Variants in PRMT6 observed in about 807,000 individuals in gnomAD.
PRMT6 encodes the protein protein arginine N-methyltransferase 6.
PRMT6 carries 23 observed loss-of-function variants against 30.5 expected under a neutral mutation model. The ratio of observed to expected loss-of-function variants is 0.75; its 90% CI spans 0.54 to 1.07. The LOEUF is 1.07. PRMT6 is among the 50% of genes least tolerant of loss of function. The pLI, the probability that PRMT6 is intolerant of heterozygous loss-of-function variation, is 0.00. For synonymous variants in PRMT6, 265 were observed against 228.0 expected (o/e 1.16, Z -1.46); for missense variants, 528 against 514.3 (o/e 1.03, Z -0.26).
chr1:107,057,091 T>G lies in PRMT6; in HGVS notation c.376T>G (p.Phe126Val). 6.2e-7 allele frequency: 1 copy of G among 1,608,190 alleles called. No homozygotes were observed. The highest frequency in any genetic ancestry group is 8.5e-7 in the Non-Finnish European group (1 of 1,179,452). Residue 126 changes from phenylalanine (F) to valine (V), a missense_variant, in exon 1 of 1, where the codon TTC becomes GTC. Phe to Val is a conservative substitution (Grantham distance 50, BLOSUM62 -1). Transcript: ENST00000370078. ...IWQQAREVVR[F>V]NGLEDRVHVL... is the part of the protein sequence containing the mutation. Reference sequence around the variant, plus strand: ...GCAACAGGCCCGGGAGGTGGTGCGGTTCAACGGGCTGGAGGACCGGGTGCA... The same window carrying G: ...GCAACAGGCCCGGGAGGTGGTGCGGGTCAACGGGCTGGAGGACCGGGTGCA...
Position 107,057,611 on chromosome 1 carries a change from GGGAGTC to G in PRMT6, c.901_906del (p.Ser301_Glu302del). ...TGGTTCCAGGTGACCTTCCCTGGAG[GGGAGTC>G]GGAGAAACCCCTGGTGCTGTCCACC... On this transcript the variant is annotated inframe_deletion, in exon 1 of 1. Transcript: ENST00000370078. 1 of 1,614,200 alleles carries G rather than the reference GGGAGTC, an allele frequency of 6.2e-7. No homozygotes were observed. The highest frequency in any genetic ancestry group is 1.3e-5 in the African/African-American group (1 of 75,076).
In PRMT6 at chr1:107,057,336, C is replaced by T. The variant is rs75744254; in HGVS notation, c.621C>T (p.Phe207=). ...AGATGCTGGAATGGCGCCTGGGCTT[C>T]TGGAGCCAGGTGAAGCAGCACTATG... ...SDQMLEWRLG[F]WSQVKQHYGV... Residue 207 remains phenylalanine (F), a synonymous_variant, in exon 1 of 1, where the codon TTC becomes TTT. Coordinates refer to ENST00000370078, the MANE Select transcript of PRMT6 (RefSeq NM_018137.3). 2.1e-4 allele frequency: 337 copies of T among 1,613,890 alleles called. 4 individuals are homozygous for T. In the East Asian group the frequency reaches 7.5e-3, roughly 36 times the overall value.
Position 107,056,820 on chromosome 1 carries a change from A to G in PRMT6, c.105A>G (p.Arg35=). The G allele has an allele frequency of 1.2e-6, 2 of 1,600,106 alleles. No homozygotes were observed. The highest frequency in any genetic ancestry group is 1.7e-6 in the Non-Finnish European group (2 of 1,173,290). Residue 35 remains arginine, a synonymous_variant, in exon 1 of 1, where the codon CGA becomes CGG. Transcript: ENST00000370078. ...DGAEREAALE[R]PRRTKRERDQ... is the part of the protein sequence containing the mutation. ...CGGAGCGGGAGGCGGCCCTGGAGCG[A>G]CCCCGGAGGACTAAGCGGGAACGGG...
At position 107,057,369 on chromosome 1, in the gene PRMT6, C is replaced by A; in HGVS notation, c.654C>A (p.Asp218Glu). The A allele has an allele frequency of 6.2e-7, 1 of 1,613,772 alleles. No individual in the cohort carries two copies. The highest frequency in any genetic ancestry group is 8.5e-7 in the Non-Finnish European group (1 of 1,180,046). The change falls in exon 1 of 1, where the codon GAC (aspartate) becomes GAA (glutamate). Residue 218 changes from aspartate to glutamate, a missense_variant. By Grantham distance (45) the Asp-to-Glu change is conservative. Coordinates refer to ENST00000370078, the MANE Select transcript of PRMT6 (RefSeq NM_018137.3). ...AGGTGAAGCAGCACTATGGTGTGGACATGAGCTGCCTGGAGGGCTTCGCCA... is the reference window on the plus strand; with the variant it reads ...AGGTGAAGCAGCACTATGGTGTGGAAATGAGCTGCCTGGAGGGCTTCGCCA... The part of the protein sequence containing the change: ...WSQVKQHYGV[D>E]MSCLEGFATR...
In PRMT6 at chr1:107,057,228, C is replaced by A. The variant is rs771735069; in HGVS notation, c.513C>A (p.Leu171=). ...ACGAGTCCATGCTGAGCTCCGTCCT[C>A]CACGCGCGAACCAAGTGGCTGAAGG... The part of the protein sequence containing the change: ...LLHESMLSSV[L]HARTKWLKEG... The change falls in exon 1 of 1, where the codon CTC becomes CTA. Residue 171 remains leucine (L), a synonymous_variant. Coordinates refer to ENST00000370078, the MANE Select transcript of PRMT6 (RefSeq NM_018137.3). 42 of 1,613,816 alleles carry A rather than the reference C, an allele frequency of 2.6e-5. No homozygotes were observed. The highest frequency in any genetic ancestry group is 3.4e-5 in the Non-Finnish European group (40 of 1,180,046).
Position 107,057,685 on chromosome 1 carries a change from T to TA in PRMT6, c.971dup (p.Tyr324Ter), listed in dbSNP as rs745870041. 1 of 1,614,220 alleles carries TA rather than the reference T, an allele frequency of 6.2e-7. No homozygotes were observed. Among genetic ancestry groups the TA allele is most frequent in the Non-Finnish European group, 8.5e-7 (1 of 1,180,042 alleles). Residue 324 changes from tyrosine to a stop codon, truncating the protein, a stop_gained and frameshift_variant, in exon 1 of 1, where the codon TAC (tyrosine) becomes TAAC (stop). Coordinates refer to ENST00000370078, the MANE Select transcript of PRMT6 (RefSeq NM_018137.3). LOFTEE classifies it high-confidence loss of function. ...PATHWKQALLYLNEPVQVEQD... is the reference protein window; with the variant it reads ...PATHWKQALL ...CACTCACTGGAAACAGGCGCTCCTC[T>TA]ACCTGAACGAGCCGGTGCAAGTGGA...
In PRMT6 at chr1:107,056,806, G is replaced by A. The variant is rs772241305; in HGVS notation, c.91G>A (p.Ala31Thr). The A allele has an allele frequency of 5.0e-6, 8 of 1,585,102 alleles. No individual in the cohort carries two copies. The highest frequency in any genetic ancestry group is 6.9e-6 in the Non-Finnish European group (8 of 1,165,614). ...AGAGGAAGATGGCGCGGAGCGGGAGGCGGCCCTGGAGCGACCCCGGAGGAC... is the reference window on the plus strand; with the variant it reads ...AGAGGAAGATGGCGCGGAGCGGGAGACGGCCCTGGAGCGACCCCGGAGGAC... Reference protein sequence around the residue: ...TEEEDGAEREAALERPRRTKR... With the variant: ...TEEEDGAERETALERPRRTKR... The change falls in exon 1 of 1, where the codon GCG becomes ACG. Residue 31 changes from alanine (A) to threonine (T), a missense_variant. Transcript: ENST00000370078.
At position 107,056,740 on chromosome 1, in the gene PRMT6, C is replaced by T. The variant is rs539124873; in HGVS notation, c.25C>T (p.Leu9Phe). Residue 9 changes from leucine (L) to phenylalanine (F), a missense_variant, in exon 1 of 1, where the codon CTT (leucine) becomes TTT (phenylalanine). Transcript: ENST00000370078. ...GATGTCGCAGCCCAAGAAAAGAAAG[C>T]TTGAGTCGGGGGGCGGCGGCGAAGG... MSQPKKRKLESGGGGEGGE... is the reference protein window; with the variant it reads MSQPKKRKFESGGGGEGGE... 1.3e-6 allele frequency: 2 copies of T among 1,533,580 alleles called. No individual in the cohort carries two copies. The highest frequency in any genetic ancestry group is 1.8e-6 in the Non-Finnish European group (2 of 1,138,092). The allele number at this position is 1,533,580 out of a possible 1,614,324, so 95.0% of individuals were successfully genotyped here. A position where few individuals can be genotyped will look rare whatever the true frequency, so the allele number is the denominator to read the frequency against.
rs764826898 is a variant in PRMT6 at position 107,056,844 on chromosome 1, G to T, written c.129G>T (p.Arg43=). 13 of 1,611,622 alleles carry T rather than the reference G, an allele frequency of 8.1e-6. No homozygotes were observed. The highest frequency in any genetic ancestry group is 1.3e-5 in the African/African-American group (1 of 74,880). ...GACCCCGGAGGACTAAGCGGGAACG[G>T]GACCAGCTGTACTACGAGTGCTACT... The part of the protein sequence containing the change: ...LERPRRTKRE[R]DQLYYECYSD... The change falls in exon 1 of 1, where the codon CGG becomes CGT. Residue 43 remains arginine (R), a synonymous_variant. Transcript: ENST00000370078.
At position 107,058,682 on chromosome 1, in the gene PRMT6, G is replaced by A. The variant is rs965596423; in HGVS notation, c.*839G>A. On this transcript the variant is annotated 3_prime_UTR_variant, in exon 1 of 1. Coordinates refer to ENST00000370078, the MANE Select transcript of PRMT6 (RefSeq NM_018137.3). ...GTAATTCTTATGAAACAGGCTGGTAGAGGAGGTTTCTGAGCCTAGCCCAAG... is the reference window on the plus strand; with the variant it reads ...GTAATTCTTATGAAACAGGCTGGTAAAGGAGGTTTCTGAGCCTAGCCCAAG... 1 of 167,106 alleles carries A rather than the reference G, an allele frequency of 6.0e-6. No homozygotes were observed. Among genetic ancestry groups the A allele is most frequent in the Non-Finnish European group, 1.5e-5 (1 of 68,116 alleles). 10.4% of individuals were successfully genotyped at this position (167,106 alleles called of 1,614,324 possible). A position where few individuals can be genotyped will look rare whatever the true frequency, so the allele number is the denominator to read the frequency against.
At position 107,057,143 on chromosome 1, in the gene PRMT6, T is replaced by C. The variant is rs749772963; in HGVS notation, c.428T>C (p.Val143Ala). The change falls in exon 1 of 1, where the codon GTA becomes GCA. Residue 143 changes from valine to alanine, a missense_variant. Physicochemically the swap from Val to Ala is moderately conservative, Grantham distance 64. Transcript: ENST00000370078. ...GTCCTGCCGGGACCAGTGGAGACTGTAGAGTTGCCGGAACAGGTGGATGCC... is the reference window on the plus strand; with the variant it reads ...GTCCTGCCGGGACCAGTGGAGACTGCAGAGTTGCCGGAACAGGTGGATGCC... ...VHVLPGPVET[V>A]ELPEQVDAIV... The C allele has an allele frequency of 6.2e-7, 1 of 1,607,634 alleles. No individual in the cohort carries two copies. The highest frequency in any genetic ancestry group is 1.7e-5 in the Admixed American group (1 of 60,028).
chr1:107,057,254 A>G lies in PRMT6; in HGVS notation c.539A>G (p.Glu180Gly), dbSNP rs1208984574. 1 of 1,613,906 alleles carries G rather than the reference A, an allele frequency of 6.2e-7. No individual in the cohort carries two copies. The highest frequency in any genetic ancestry group is 1.3e-5 in the African/African-American group (1 of 74,942). Residue 180 changes from glutamate to glycine, a missense_variant, in exon 1 of 1, where the codon GAG becomes GGG. Transcript: ENST00000370078. ...VLHARTKWLK[E>G]GGLLLPASAE... ...CACGCGCGAACCAAGTGGCTGAAGGAGGGCGGTCTTCTCCTGCCGGCCTCC... is the reference window on the plus strand; with the variant it reads ...CACGCGCGAACCAAGTGGCTGAAGGGGGGCGGTCTTCTCCTGCCGGCCTCC...
chr1:107,056,805 G>A lies in PRMT6; in HGVS notation c.90G>A (p.Glu30=), dbSNP rs969139768. The change falls in exon 1 of 1, where the codon GAG becomes GAA. Residue 30 remains glutamate, a synonymous_variant. Transcript: ENST00000370078. ...GTEEEDGAER[E]AALERPRRTK... ...AAGAGGAAGATGGCGCGGAGCGGGA[G>A]GCGGCCCTGGAGCGACCCCGGAGGA... 1.1e-5 allele frequency: 17 copies of A among 1,584,872 alleles called. No individual in the cohort carries two copies. The highest frequency in any genetic ancestry group is 1.3e-5 in the African/African-American group (1 of 74,250).
Position 107,057,273 on chromosome 1 carries a change from G to A in PRMT6, c.558G>A (p.Pro186=). The A allele has an allele frequency of 6.2e-7, 1 of 1,614,058 alleles. No individual in the cohort carries two copies. The highest frequency in any genetic ancestry group is 1.1e-5 in the South Asian group (1 of 91,084). The part of the protein sequence containing the change: ...KWLKEGGLLL[P]ASAELFIAPI... ...TGAAGGAGGGCGGTCTTCTCCTGCC[G>A]GCCTCCGCCGAGCTCTTCATAGCCC... The change falls in exon 1 of 1, where the codon CCG becomes CCA. Residue 186 remains proline, a synonymous_variant. Coordinates refer to ENST00000370078, the MANE Select transcript of PRMT6 (RefSeq NM_018137.3).
In PRMT6 at chr1:107,058,905, A is replaced by C. The variant is rs1158096505; in HGVS notation, c.*1062A>C. The C allele has an allele frequency of 6.0e-6, 1 of 167,052 alleles. No homozygotes were observed. Among genetic ancestry groups the C allele is most frequent in the South Asian group, 2.1e-4 (1 of 4,830 alleles). 10.3% of individuals were successfully genotyped at this position (167,052 alleles called of 1,614,324 possible). A position where few individuals can be genotyped will look rare whatever the true frequency, so the allele number is the denominator to read the frequency against. On this transcript the variant is annotated 3_prime_UTR_variant, in exon 1 of 1. Transcript: ENST00000370078. ...TTTGTTTTTCTCTTTCACTCAGCCAAATGTGAAAGTTGTGAATTTAGGAAA... is the reference window on the plus strand; with the variant it reads ...TTTGTTTTTCTCTTTCACTCAGCCACATGTGAAAGTTGTGAATTTAGGAAA...
chr1:107,057,957 C>G lies in PRMT6; in HGVS notation c.*114C>G, dbSNP rs11555268. The G allele has an allele frequency of 5.1e-6, 7 of 1,378,746 alleles. No homozygotes were observed. Among genetic ancestry groups the G allele is most frequent in the Non-Finnish European group, 7.1e-6 (7 of 992,360 alleles). 85.4% of individuals were successfully genotyped at this position (1,378,746 alleles called of 1,614,324 possible). On this transcript the variant is annotated 3_prime_UTR_variant, in exon 1 of 1. Coordinates refer to ENST00000370078, the MANE Select transcript of PRMT6 (RefSeq NM_018137.3). ...CGTGCAAGTAGGGGGAATATCTCCC[C>G]CTTTTCCCTCATAGCCTCTAGGGAG...
In PRMT6 at chr1:107,058,008, AAG is replaced by A; in HGVS notation, c.*169_*170del. 1.1e-6 allele frequency: 1 copy of A among 921,038 alleles called. No homozygotes were observed. The highest frequency in any genetic ancestry group is 1.7e-5 in the South Asian group (1 of 60,092). 57.1% of individuals were successfully genotyped at this position (921,038 alleles called of 1,614,324 possible). On this transcript the variant is annotated 3_prime_UTR_variant, in exon 1 of 1. Coordinates refer to ENST00000370078, the MANE Select transcript of PRMT6 (RefSeq NM_018137.3). ...GGAGAGTGACTTCATTCTCCATTTGAAGAGATTCTTCTGGTGATGTTTACTTA... is the reference window on the plus strand; with the variant it reads ...GGAGAGTGACTTCATTCTCCATTTGAAGATTCTTCTGGTGATGTTTACTTA...
In PRMT6 at chr1:107,057,108, C is replaced by G; in HGVS notation, c.393C>G (p.Asp131Glu). 1 of 1,607,424 alleles carries G rather than the reference C, an allele frequency of 6.2e-7. No individual in the cohort carries two copies. Among genetic ancestry groups the G allele is most frequent in the Non-Finnish European group, 8.5e-7 (1 of 1,179,720 alleles). ...TGGTGCGGTTCAACGGGCTGGAGGACCGGGTGCACGTCCTGCCGGGACCAG... is the reference window on the plus strand; with the variant it reads ...TGGTGCGGTTCAACGGGCTGGAGGAGCGGGTGCACGTCCTGCCGGGACCAG... ...REVVRFNGLE[D>E]RVHVLPGPVE... The change falls in exon 1 of 1, where the codon GAC (aspartate) becomes GAG (glutamate). Residue 131 changes from aspartate (D) to glutamate (E), a missense_variant. Physicochemically the swap from Asp to Glu is conservative, Grantham distance 45. Coordinates refer to ENST00000370078, the MANE Select transcript of PRMT6 (RefSeq NM_018137.3).
rs778264657 is a variant in PRMT6 at position 107,057,569 on chromosome 1, T to A, written c.854T>A (p.Met285Lys). The A allele has an allele frequency of 2.5e-6, 4 of 1,613,868 alleles. No individual in the cohort carries two copies. Among genetic ancestry groups the A allele is most frequent in the Non-Finnish European group, 3.4e-6 (4 of 1,179,966 alleles). Residue 285 changes from methionine to lysine, a missense_variant, in exon 1 of 1, where the codon ATG (methionine) becomes AAG (lysine). Physicochemically the swap from Met to Lys is moderately conservative, Grantham distance 95 (BLOSUM62 -1). Coordinates refer to ENST00000370078, the MANE Select transcript of PRMT6 (RefSeq NM_018137.3). ...FRCSCYGSAPMHGFAIWFQVT... is the reference protein window; with the variant it reads ...FRCSCYGSAPKHGFAIWFQVT... ...TGCAGCTGCTATGGCTCGGCGCCCA[T>A]GCATGGCTTTGCCATCTGGTTCCAG...
Sources: allele counts gnomAD v4.1 joint callset, GRCh38; gene constraint gnomAD v4.1.1; transcripts MANE v1.5; gene names NCBI Gene and HGNC (gene_info 2026-07-23, HGNC 2026-07-21).